Variants in ITIH5 observed in about 807,000 individuals in gnomAD.
ITIH5 encodes the protein inter-alpha-trypsin inhibitor heavy chain H5.
Under a neutral mutation model 77.5 loss-of-function variants are expected in ITIH5, and 65 were observed. That is an observed-to-expected ratio of 0.84 (90% confidence interval 0.69 to 1.03). ITIH5 has a LOEUF of 1.03. Among genes scored for constraint, ITIH5 ranks in the 50% least tolerant of loss-of-function variants. The pLI is 0.00. For missense variants in ITIH5, 1,208 were observed against 1,213.1 expected, an observed-to-expected ratio of 1.00 and a Z score of 0.06; for synonymous variants, 525 against 494.3, an observed-to-expected ratio of 1.06 and a Z score of -0.82.
intron 12 of ITIH5, among the ~76,000 whole-genome samples, chr10:7,566,785 AAAGAAG>A (rs1192586987): frequency 0.27 from 2,091 of 7,806 alleles, 774 homozygotes; most frequent in Non-Finnish European, 0.66. Flanking sequence ...AAGAAAGAAG[AAAGAAG>A]AAGAAGAAGA....
At chr10:7,635,821 C>A (rs753568154) in intron 5 of ITIH5, among the ~76,000 whole-genome samples, 1 of 152,118 alleles carries the variant, frequency 6.6e-6, no homozygotes, top group Non-Finnish European at 1.5e-5. Flanking sequence ...GTCCAGGCAA[C>A]GCTCTCTCTC....
Position 7,562,672 on chromosome 10 carries a change from G to A in ITIH5, c.*411C>T, listed in dbSNP as rs1832059783. The A allele has an allele frequency of 9.6e-6, 2 of 209,372 alleles. No homozygotes were observed. Among genetic ancestry groups the A allele is most frequent in the South Asian group, 1.9e-4 (2 of 10,522 alleles). The allele number at this position is 209,372 out of a possible 1,614,324, so 13.0% of individuals were successfully genotyped here. On this transcript the variant is annotated 3_prime_UTR_variant, in exon 14 of 14. Coordinates refer to ENST00000397146, the MANE Select transcript of ITIH5 (RefSeq NM_030569.7). ...AAGCATTAGTGTAAGGCAAAAAGCA[G>A]AGTGCCTAAACTTGTCCATTTCCAC...
intron 13 of ITIH5, among the ~76,000 whole-genome samples, chr10:7,565,180 C>CTATA (rs569865196): frequency 6.7e-4 from 41 of 61,352 alleles, no homozygotes; most frequent in African/African-American, 1.7e-3. Flanking sequence ...CATACACAGG[C>CTATA]TATATATATA....
rs1832394133 is a variant in ITIH5, at chr10:7,575,568, G to A, written c.1978+885C>T. 2.0e-5 allele frequency among the ~76,000 whole-genome samples: 3 copies of A among 152,252 alleles called. No homozygotes were observed. The South Asian group carries it at 6.2e-4, about 32-fold the overall frequency. On this transcript the variant is annotated intron_variant, in intron 10 of 13. Transcript: ENST00000397146. ...CAATGCCCTGCTTTGGTTTCACTGTGTTTCCTTTCTCTTGTTCTCGTCTCT... is the reference window on the plus strand; with the variant it reads ...CAATGCCCTGCTTTGGTTTCACTGTATTTCCTTTCTCTTGTTCTCGTCTCT...
In ITIH5 at chr10:7,640,845, C is replaced by A; in HGVS notation, c.310G>T (p.Asp104Tyr). 2.5e-6 allele frequency: 4 copies of A among 1,609,606 alleles called. No homozygotes were observed. The highest frequency in any genetic ancestry group is 2.6e-6 in the Non-Finnish European group (3 of 1,175,994). The stretch of plus-strand genomic sequence containing the variant: ...GTAATTTCGCCCTGATACACCTTGT[C>A]TCCAATAAGCCTGAAATACAAGAGA... ...FITNFTMLIG[D>Y]KVYQGEITER... The change falls in exon 4 of 14, where the codon GAC becomes TAC. Residue 104 changes from aspartate to tyrosine, a missense_variant. Physicochemically the swap from Asp to Tyr is radical, Grantham distance 160 (BLOSUM62 -3). Coordinates refer to ENST00000397146, the MANE Select transcript of ITIH5 (RefSeq NM_030569.7).
rs750491129 is a variant in ITIH5, at chr10:7,566,388, C to G, written c.2169G>C (p.Glu723Asp). 3.1e-5 allele frequency: 49 copies of G among 1,600,152 alleles called. No individual in the cohort carries two copies. In the South Asian group the frequency reaches 5.1e-4, roughly 17 times the overall value. ...HRDSGVTVNG[E>D]LIGAPAPPNG... ...TTGGAGGGGCGGGTGCCCCAATTAA[C>G]TCTCCGTTCACTGTGACACCTCAAA... Residue 723 changes from glutamate (E) to aspartate (D), a missense_variant, in exon 13 of 14, where the codon GAG becomes GAC. Coordinates refer to ENST00000397146, the MANE Select transcript of ITIH5 (RefSeq NM_030569.7).
chr10:7,635,446 C>A (rs1195433543), intron 5 of ITIH5, among the ~76,000 whole-genome samples: 5 of 152,162 alleles, frequency 3.3e-5, no homozygotes, highest in African/African-American at 1.2e-4. Flanking sequence ...ATACAGCTAC[C>A]ACCTGCATGA....
chr10:7,637,234 C>G lies in ITIH5; in HGVS notation c.646G>C (p.Gly216Arg), dbSNP rs776493293. Residue 216 changes from glycine to arginine, a missense_variant, in exon 5 of 14, where the codon GGG becomes CGG. Coordinates refer to ENST00000397146, the MANE Select transcript of ITIH5 (RefSeq NM_030569.7). Reference protein sequence around the residue: ...HNSRQRGSGRGEDDSGPPPST... With the variant: ...HNSRQRGSGRREDDSGPPPST... ...CCCAGCACGCAGGACTCACCTTCCC[C>G]GCGCCCACTGCCCCTCTGCCTGCTG... 19 of 1,607,174 alleles carry G rather than the reference C, an allele frequency of 1.2e-5. No individual in the cohort carries two copies. The highest frequency in any genetic ancestry group is 1.7e-4 in the Middle Eastern group (1 of 6,018).
intron 1 of ITIH5, 71 bp from the exon 2 acceptor site, chr10:7,655,746 T>A (rs879797151): frequency 5.2e-6 from 6 of 1,153,870 alleles, no homozygotes; most frequent in Non-Finnish European, 7.8e-6. Context: ...GATTGTGAGG[T>A]CATTCTCACA....
intron 7 of ITIH5, among the ~76,000 whole-genome samples, chr10:7,601,383 C>G (rs1327487063): frequency 2.0e-5 from 3 of 152,188 alleles, no homozygotes; most frequent in Non-Finnish European, 4.4e-5. Flanking sequence ...CTGCTTTGTC[C>G]TCACAGAAGC....
intron 6 of ITIH5, among the ~76,000 whole-genome samples, chr10:7,616,396 TG>T (rs1307178269): frequency 1.4e-5 from 2 of 142,852 alleles, no homozygotes; most frequent in South Asian, 2.2e-4. Context: ...TCCTTCATTA[TG>T]TTTTTTTTAC....
intron 5 of ITIH5, chr10:7,618,489 A>G (rs1204848889): frequency 6.6e-6 from 1 of 152,178 alleles, no homozygotes; most frequent in Non-Finnish European, 1.5e-5. Flanking sequence ...ACGTTTATAA[A>G]CCCAAACAAC....
intron 2 of ITIH5, among the ~76,000 whole-genome samples, chr10:7,643,018 G>A (rs1365727663): frequency 1.3e-5 from 2 of 152,282 alleles, no homozygotes; most frequent in Middle Eastern, 6.8e-3. Flanking sequence ...GAGTGCCTTT[G>A]GGAGAAATTG....
At chr10:7,611,863 G>A (rs763998658) in intron 7 of ITIH5, among the ~76,000 whole-genome samples, 77 of 150,254 alleles carry the variant, frequency 5.1e-4, no homozygotes, top group Admixed American at 1.1e-3. Flanking sequence ...ACTGCTTTTA[G>A]GCTTAGAAAG....
At chr10:7,577,123 G>T in intron 9 of ITIH5, 111 bp from the exon 10 acceptor site, 1 of 895,492 alleles carries the variant, frequency 1.1e-6, no homozygotes, top group Non-Finnish European at 1.7e-6. Flanking sequence ...GATTTTAGAA[G>T]CAATTGAGTC....
intron 1 of ITIH5, among the ~76,000 whole-genome samples, chr10:7,664,447 G>A (rs1245328906): frequency 2.7e-5 from 4 of 149,680 alleles, no homozygotes; most frequent in African/African-American, 9.9e-5. Context: ...ACCTGCATCA[G>A]AATCATCTGC....
At chr10:7,604,685 T>C (rs1051001274) in intron 7 of ITIH5, among the ~76,000 whole-genome samples, 6 of 152,222 alleles carry the variant, frequency 3.9e-5, no homozygotes, top group South Asian at 4.1e-4. Flanking sequence ...CTCATTCTTT[T>C]CCTGCCAAGA....
Position 7,616,144 on chromosome 10 carries a change from G to A in ITIH5, c.823-46C>T. ...TAAAAACGGTAGTACCTAGAGCGGG[G>A]AGCAAAAATACCTGAAGTGGGTAGT... On this transcript the variant is annotated intron_variant, in intron 6 of 13. Coordinates refer to ENST00000397146, the MANE Select transcript of ITIH5 (RefSeq NM_030569.7). 3 of 1,105,284 alleles carry A rather than the reference G, an allele frequency of 2.7e-6. No individual in the cohort carries two copies. The South Asian group carries it at 3.8e-5, about 14-fold the overall frequency. 68.5% of individuals were successfully genotyped at this position (1,105,284 alleles called of 1,614,324 possible).
chr10:7,599,799 G>A (rs4749058), intron 7 of ITIH5, among the ~76,000 whole-genome samples: 147,139 of 152,310 alleles, frequency 0.97, 71,211 homozygotes, highest in Non-Finnish European at 1. Context: ...AATGTAGATT[G>A]TATATACAAG....
Sources: allele counts gnomAD v4.1 joint callset (sites outside exome capture counted in the v4.1 genomes callset), GRCh38; gene constraint gnomAD v4.1.1; transcripts MANE v1.5; gene names NCBI Gene and HGNC (gene_info 2026-07-23, HGNC 2026-07-21).